Variants in WHR1 observed in about 807,000 individuals in gnomAD.
WHR1 encodes MHC class III HLA-RP1.
the WHR1 span, chr6:31,972,796 T>C: frequency 1.9e-6 from 3 of 1,605,188 alleles, 1 homozygote; most frequent in South Asian, 3.3e-5. The surrounding 1 kb of genome is among the most constrained non-coding windows in gnomAD (Gnocchi z 6.3). Context: ...GCCCCTTTCC[T>C]AACTCCTGGA....
At chr6:31,979,028 G>C in the WHR1 span, 13 of 1,607,480 alleles carry the variant, frequency 8.1e-6, no homozygotes, top group Admixed American at 3.3e-5. Flanking sequence ...AGGGGTGCTG[G>C]GGGGAGGGCA....
At chr6:31,972,308 C>T in the WHR1 span, 5 of 1,613,022 alleles carry the variant, frequency 3.1e-6, no homozygotes, top group African/African-American at 5.3e-5. The surrounding 1 kb of genome is among the most constrained non-coding windows in gnomAD (Gnocchi z 6.3). Context: ...CTAGGAGGGA[C>T]GCCCGGGGAG....
the WHR1 span, chr6:31,971,616 G>A: frequency 6.2e-7 from 1 of 1,612,940 alleles, no homozygotes; most frequent in South Asian, 1.1e-5. This position sits in a 1 kb window ranked among gnomAD's most constrained non-coding sequence, Gnocchi z 4.5. Context: ...GAGGTAGTTT[G>A]TTCCGAGGCT....
chr6:31,978,026 GA>G, the WHR1 span, among the ~76,000 whole-genome samples: 2 of 151,972 alleles, frequency 1.3e-5, no homozygotes, highest in Non-Finnish European at 2.9e-5. Context: ...GACCTCAGGT[GA>G]TCCACCCACG....
At chr6:31,978,865 T>C in the WHR1 span, 3 of 1,603,644 alleles carry the variant, frequency 1.9e-6, no homozygotes, top group Non-Finnish European at 2.6e-6. Flanking sequence ...CATCTTACCC[T>C]GATACGCCTC....
the WHR1 span, chr6:31,972,067 G>C: frequency 6.2e-7 from 1 of 1,612,644 alleles, no homozygotes; most frequent in Non-Finnish European, 8.5e-7. This position sits in a 1 kb window ranked among gnomAD's most constrained non-coding sequence, Gnocchi z 6.3. Context: ...CCCTCCCGGG[G>C]CGGGGGAGGT....
At chr6:31,971,302 C>T in the WHR1 span, 3 of 1,538,156 alleles carry the variant, frequency 2.0e-6, no homozygotes, top group Non-Finnish European at 2.6e-6. This position sits in a 1 kb window ranked among gnomAD's most constrained non-coding sequence, Gnocchi z 4.5. Context: ...GATATACTGC[C>T]TACCACGCTT....
At chr6:31,972,392 G>C in the WHR1 span, 1 of 1,612,994 alleles carries the variant, frequency 6.2e-7, no homozygotes, top group Non-Finnish European at 8.5e-7. This position sits in a 1 kb window ranked among gnomAD's most constrained non-coding sequence, Gnocchi z 6.3. Flanking sequence ...CCCTTCCCCG[G>C]TACCATAAAA....
the WHR1 span, chr6:31,979,377 G>T: frequency 6.2e-7 from 1 of 1,611,716 alleles, no homozygotes; most frequent in Middle Eastern, 1.7e-4. Flanking sequence ...AGAGAGTGAG[G>T]GTGGGGATGG....
the WHR1 span, chr6:31,978,823 C>T: frequency 1.5e-6 from 2 of 1,348,438 alleles, no homozygotes; most frequent in Non-Finnish European, 2.1e-6. Context: ...AACAAAATCT[C>T]CCTGCCTGAG....
the WHR1 span, chr6:31,972,620 G>A: frequency 1.2e-6 from 2 of 1,607,848 alleles, no homozygotes; most frequent in Non-Finnish European, 1.7e-6. The surrounding 1 kb of genome is among the most constrained non-coding windows in gnomAD (Gnocchi z 6.3). Flanking sequence ...TATCTGCCCA[G>A]GGTCGGCGCG....
the WHR1 span, chr6:31,973,062 C>T: frequency 1.2e-5 from 8 of 644,442 alleles, no homozygotes; most frequent in African/African-American, 3.6e-5. Context: ...AGTGTTGTTT[C>T]CATCTTACAC....
chr6:31,973,563 A>C, the WHR1 span, among the ~76,000 whole-genome samples: 1 of 152,332 alleles, frequency 6.6e-6, no homozygotes, highest in African/African-American at 2.4e-5. Flanking sequence ...AGCTATGGCT[A>C]TCTCTCTCCA....
chr6:31,972,068 C>CG, the WHR1 span: 1 of 1,612,430 alleles, frequency 6.2e-7, no homozygotes, highest in Admixed American at 1.7e-5. The surrounding 1 kb of genome is among the most constrained non-coding windows in gnomAD (Gnocchi z 6.3). Context: ...CCTCCCGGGG[C>CG]GGGGGAGGTG....
At chr6:31,980,319 G>C in the WHR1 span, 1 of 818,754 alleles carries the variant, frequency 1.2e-6, no homozygotes, top group Non-Finnish European at 1.9e-6. Flanking sequence ...CCCCAGGCTG[G>C]GATTTTGTTA....
At chr6:31,972,847 C>A in the WHR1 span, 1 of 1,584,636 alleles carries the variant, frequency 6.3e-7, no homozygotes. The surrounding 1 kb of genome is among the most constrained non-coding windows in gnomAD (Gnocchi z 6.3). Flanking sequence ...GTTCAGCAAG[C>A]ATTAGGCCTT....
the WHR1 span, among the ~76,000 whole-genome samples, chr6:31,975,657 GAA>G: frequency 1.5e-5 from 1 of 67,344 alleles, no homozygotes; most frequent in Non-Finnish European, 3.0e-5. Context: ...TTTTTTTTTT[GAA>G]AAGTCTCCCA....
chr6:31,973,193 T>G, the WHR1 span: 1 of 382,978 alleles, frequency 2.6e-6, no homozygotes, highest in East Asian at 6.7e-5. Context: ...AGGCCTAAAT[T>G]AGGTCAGTGC....
chr6:31,978,794 A>G, the WHR1 span: 1 of 921,750 alleles, frequency 1.1e-6, no homozygotes, highest in African/African-American at 1.7e-5. Context: ...TACTAAGAGA[A>G]AATGCCCCCA....
Sources: allele counts gnomAD v4.1 joint callset (sites outside exome capture counted in the v4.1 genomes callset), GRCh38; gene constraint gnomAD v4.1.1; non-coding constraint Gnocchi (gnomAD v3.1); transcripts MANE v1.5; gene names NCBI Gene and HGNC (gene_info 2026-07-23, HGNC 2026-07-21).